The following SOX5 variants were observed in gnomAD, a reference collection of about 807,000 sequenced individuals.
SOX5 encodes transcription factor SOX-5.
In SOX5, 9 loss-of-function variants were observed where a neutral mutation model predicts 92.0. The observed-to-expected ratio is 0.10, with a 90% CI of 0.06 to 0.17. SOX5 has a LOEUF of 0.17. Ranked by LOEUF, SOX5 falls within the 10% of genes least tolerant of loss-of-function variation. The probability of loss-of-function intolerance (pLI) is 1.00; values close to 1 mark genes in which losing one functional copy is unlikely to be tolerated. For missense variants in SOX5, 642 were observed against 944.5 expected, an observed-to-expected ratio of 0.68 and a Z score of 4.20; for synonymous variants, 344 against 336.3, an observed-to-expected ratio of 1.02 and a Z score of -0.25.
intron 2 of SOX5, among the ~76,000 whole-genome samples, chr12:23,865,985 T>C (rs1043642014): frequency 1.3e-5 from 2 of 152,172 alleles, no homozygotes; most frequent in Non-Finnish European, 2.9e-5. Flanking sequence ...TGTGACTGAA[T>C]TGCTACAATC....
intron 4 of SOX5, among the ~76,000 whole-genome samples, chr12:24,209,516 C>G (rs1958365408): frequency 6.6e-6 from 1 of 151,990 alleles, no homozygotes; most frequent in Admixed American, 6.6e-5. Context: ...ATAGGCAAAT[C>G]ATGAAAATCT....
intron 2 of SOX5, among the ~76,000 whole-genome samples, chr12:23,863,756 C>T (rs2096780505): frequency 6.7e-6 from 1 of 148,636 alleles, no homozygotes; most frequent in South Asian, 2.2e-4. Flanking sequence ...GAAAATTGAG[C>T]TATTTTGTCA....
At chr12:23,724,309 A>C (rs572236790) in intron 6 of SOX5, among the ~76,000 whole-genome samples, 107 of 152,166 alleles carry the variant, frequency 7.0e-4, no homozygotes, top group African/African-American at 2.5e-3. Flanking sequence ...CACAGGCCTC[A>C]GTTCTATCAT....
At chr12:23,634,681 T>G (rs1186475842) in intron 8 of SOX5, among the ~76,000 whole-genome samples, 2 of 152,190 alleles carry the variant, frequency 1.3e-5, no homozygotes, top group African/African-American at 2.4e-5. Flanking sequence ...TTTCATTAAA[T>G]GAGAATAGTT....
intron 2 of SOX5, among the ~76,000 whole-genome samples, chr12:23,866,322 A>G (rs2096813449): frequency 6.6e-6 from 1 of 152,202 alleles, no homozygotes. Context: ...AATATATGGA[A>G]TAGTCTAGAT....
At chr12:23,553,722 C>T (rs1256277789) in intron 11 of SOX5, among the ~76,000 whole-genome samples, 3 of 151,976 alleles carry the variant, frequency 2.0e-5, no homozygotes, top group Non-Finnish European at 4.4e-5. Flanking sequence ...AAAAATAATA[C>T]AATTTGCAAC....
intron 4 of SOX5, among the ~76,000 whole-genome samples, chr12:24,105,135 T>C (rs1015821066): frequency 7.2e-5 from 11 of 152,224 alleles, no homozygotes; most frequent in Non-Finnish European, 8.8e-5. Flanking sequence ...CCATCTTACC[T>C]TATCTGCTAT....
At chr12:24,218,051 A>G (rs1032570889) in intron 3 of SOX5, among the ~76,000 whole-genome samples, 2 of 152,236 alleles carry the variant, frequency 1.3e-5, no homozygotes, top group African/African-American at 4.8e-5. Flanking sequence ...TGCAGCTGCT[A>G]TGGAAAGTGG....
At chr12:23,676,022 C>A (rs1219892430) in intron 6 of SOX5, among the ~76,000 whole-genome samples, 2 of 151,936 alleles carry the variant, frequency 1.3e-5, no homozygotes, top group Admixed American at 1.3e-4. Context: ...AAAAGGGAAC[C>A]CTGTATGCTA....
intron 4 of SOX5, among the ~76,000 whole-genome samples, chr12:23,964,338 G>C (rs1947300146): frequency 6.6e-6 from 1 of 151,750 alleles, no homozygotes; most frequent in Non-Finnish European, 1.5e-5. Context: ...TGTTTCCCAC[G>C]ATTCACACGT....
rs527636524 is a variant in SOX5 at position 24,088,427 on chromosome 12, C to T, written c.-2+124916G>A. 3.3e-5 allele frequency among the ~76,000 whole-genome samples: 5 copies of T among 152,118 alleles called. No homozygotes were observed. In the South Asian group the frequency reaches 8.3e-4, roughly 25 times the overall value. On this transcript the variant is annotated intron_variant, in intron 4 of 4. Transcript: ENST00000446891. Reference sequence around the variant, plus strand: ...CTAAAAGCTGCTTTAGTGAGGTTTGCATGGGCATTGACTTACCACAACTCT... The same window carrying T: ...CTAAAAGCTGCTTTAGTGAGGTTTGTATGGGCATTGACTTACCACAACTCT...
intron 4 of SOX5, among the ~76,000 whole-genome samples, chr12:23,985,852 C>G (rs573743067): frequency 6.6e-6 from 1 of 152,036 alleles, no homozygotes; most frequent in South Asian, 2.1e-4. Context: ...TCTGGAAGTT[C>G]TTGGGAAGAA....
At chr12:23,822,453 CTGAGG>C (rs1424600049) in intron 3 of SOX5, among the ~76,000 whole-genome samples, 1 of 152,128 alleles carries the variant, frequency 6.6e-6, no homozygotes, top group East Asian at 1.9e-4. Context: ...TTTCTTAATC[CTGAGG>C]TCTAATTTGA....
At chr12:23,690,291 G>T (rs572248540) in intron 6 of SOX5, among the ~76,000 whole-genome samples, 2 of 152,282 alleles carry the variant, frequency 1.3e-5, no homozygotes, top group East Asian at 3.9e-4. Context: ...TTGGCTATAT[G>T]CCAGAAACGG....
chr12:23,891,799 T>C (rs116574202), intron 2 of SOX5, among the ~76,000 whole-genome samples: 2 of 152,300 alleles, frequency 1.3e-5, no homozygotes, highest in African/African-American at 2.4e-5. Flanking sequence ...ACTACAAATA[T>C]ATTCAATAAT....
intron 2 of SOX5, among the ~76,000 whole-genome samples, chr12:24,347,723 C>T (rs1263036834): frequency 1.3e-5 from 2 of 152,102 alleles, no homozygotes; most frequent in Non-Finnish European, 2.9e-5. Context: ...CTTTTAAATT[C>T]TGTATGTTAA....
intron 11 of SOX5, among the ~76,000 whole-genome samples, chr12:23,550,609 A>T (rs1469551512): frequency 6.6e-6 from 1 of 151,934 alleles, no homozygotes; most frequent in Non-Finnish European, 1.5e-5. Flanking sequence ...AATTTTAGTA[A>T]CAACTCTAAA....
Position 24,296,818 on chromosome 12 carries a change from T to TAAAA in SOX5, c.-173-19510_-173-19507dup, listed in dbSNP as rs34459785. On this transcript the variant is annotated intron_variant, in intron 2 of 4. Transcript: ENST00000446891. ...CTGTAATCGGCAGATACATTGTTCT[T>TAAAA]AAAAAAAAAAAAAAAAAGTAGTTTG... 5.7e-3 allele frequency among the ~76,000 whole-genome samples: 779 copies of TAAAA among 137,404 alleles called. 12 individuals carry two copies. The highest frequency in any genetic ancestry group is 0.019 in the African/African-American group (705 of 36,486). 90.1% of individuals were successfully genotyped at this position (137,404 alleles called of 152,430 possible). A position where few individuals can be genotyped will look rare whatever the true frequency, so the allele number is the denominator to read the frequency against.
chr12:23,777,987 C>G (rs1050056708), intron 3 of SOX5, among the ~76,000 whole-genome samples: 1 of 152,068 alleles, frequency 6.6e-6, no homozygotes, highest in African/African-American at 2.4e-5. Context: ...AAATATGAAA[C>G]ACAAATCAAC....
Sources: gnomAD v4.1 joint callset for allele counts (sites outside exome capture counted in the v4.1 genomes callset) on GRCh38, gnomAD v4.1.1 for gene constraint, MANE v1.5 for transcripts, NCBI Gene and HGNC (gene_info 2026-07-23, HGNC 2026-07-21) for gene names.